The following ACVR1C variants were observed in gnomAD, a reference collection of about 807,000 sequenced individuals.
ACVR1C encodes the protein activin receptor type-1C.
Under a neutral mutation model 57.9 loss-of-function variants are expected in ACVR1C, and 23 were observed. That is an observed-to-expected ratio of 0.40 (90% CI 0.29 to 0.56). ACVR1C has a LOEUF of 0.56. Ranked by LOEUF, ACVR1C falls within the 20% of genes least tolerant of loss-of-function variation. The probability of loss-of-function intolerance (pLI) is 0.50; values close to 1 mark genes in which losing one functional copy is unlikely to be tolerated. For synonymous variants in ACVR1C, 214 were observed against 215.3 expected (o/e 0.99, Z 0.05); for missense variants, 480 against 607.9 (o/e 0.79, Z 2.21).
At chr2:157,622,176 T>C (rs201331226) in intron 1 of ACVR1C, among the ~76,000 whole-genome samples, 12 of 152,190 alleles carry the variant, frequency 7.9e-5, no homozygotes, top group South Asian at 4.1e-4. Flanking sequence ...GTGAAAAATA[T>C]AAGACTTAGA....
At chr2:157,621,204 T>G (rs1460980507) in intron 1 of ACVR1C, among the ~76,000 whole-genome samples, 2 of 152,146 alleles carry the variant, frequency 1.3e-5, no homozygotes, top group Non-Finnish European at 2.9e-5. Flanking sequence ...GCATGCCTAC[T>G]GTCTAAAAGA....
intron 2 of ACVR1C, among the ~76,000 whole-genome samples, chr2:157,586,616 C>G (rs760918876): frequency 2.6e-5 from 4 of 152,054 alleles, no homozygotes; most frequent in Admixed American, 1.3e-4. Context: ...GGATAAAGCA[C>G]TGTATAATAT....
At chr2:157,599,114 C>T (rs1682211328) in intron 1 of ACVR1C, among the ~76,000 whole-genome samples, 1 of 151,706 alleles carries the variant, frequency 6.6e-6, no homozygotes, top group South Asian at 2.1e-4. Context: ...GCAGGCGGAT[C>T]ACGAAGTCAG....
Position 157,533,852 on chromosome 2 carries a change from AT to A in ACVR1C, c.*65del. 7.0e-7 allele frequency: 1 copy of A among 1,436,900 alleles called. No individual in the cohort carries two copies. 89.0% of individuals were successfully genotyped at this position (1,436,900 alleles called of 1,614,324 possible). Reference sequence around the variant, plus strand: ...AGAACAAAAAAAAAATGGCAAAAACATTCACATAAAGGGGAAAATGGAAAAG... The same window carrying A: ...AGAACAAAAAAAAAATGGCAAAAACATCACATAAAGGGGAAAATGGAAAAG... On this transcript the variant is annotated 3_prime_UTR_variant, in exon 9 of 9. Coordinates refer to ENST00000243349, the MANE Select transcript of ACVR1C (RefSeq NM_145259.3).
chr2:157,597,457 C>T, intron 1 of ACVR1C: 1 of 985,454 alleles, frequency 1.0e-6, no homozygotes, highest in Non-Finnish European at 1.2e-6. Context: ...GGACACCCTG[C>T]GGTCGCCGGG....
intron 2 of ACVR1C, among the ~76,000 whole-genome samples, chr2:157,577,612 A>C (rs1278587572): frequency 1.3e-5 from 2 of 152,172 alleles, no homozygotes; most frequent in African/African-American, 2.4e-5. Context: ...TATGATATAT[A>C]TTTACCATCA....
intron 1 of ACVR1C, among the ~76,000 whole-genome samples, chr2:157,616,143 A>T (rs1050171525): frequency 6.6e-6 from 1 of 152,080 alleles, no homozygotes; most frequent in African/African-American, 2.4e-5. Flanking sequence ...CATTCCATTT[A>T]CACATATTTT....
At chr2:157,628,273 A>C (rs977655933) in intron 1 of ACVR1C, among the ~76,000 whole-genome samples, 3 of 151,980 alleles carry the variant, frequency 2.0e-5, no homozygotes, top group Non-Finnish European at 4.4e-5. Context: ...TCCGCTGCAA[A>C]CTGCCCACAA....
At chr2:157,624,203 C>A (rs1379238703) in intron 1 of ACVR1C, among the ~76,000 whole-genome samples, 6 of 152,114 alleles carry the variant, frequency 3.9e-5, no homozygotes, top group Admixed American at 3.3e-4. Flanking sequence ...ATTTATGTAT[C>A]CAAGCCCCTT....
chr2:157,619,139 T>C (rs955574319), intron 1 of ACVR1C, among the ~76,000 whole-genome samples: 1 of 151,828 alleles, frequency 6.6e-6, no homozygotes, highest in Non-Finnish European at 1.5e-5. Context: ...AGGTCAGACA[T>C]GTGCCAGACT....
chr2:157,610,919 C>T (rs1321782468), intron 1 of ACVR1C, among the ~76,000 whole-genome samples: 1 of 151,928 alleles, frequency 6.6e-6, no homozygotes, highest in African/African-American at 2.4e-5. Flanking sequence ...TCATTCATGT[C>T]CTGAATTGTT....
chr2:157,536,083 C>T (rs1687480194), intron 8 of ACVR1C, among the ~76,000 whole-genome samples: 1 of 152,028 alleles, frequency 6.6e-6, no homozygotes, highest in African/African-American at 2.4e-5. Context: ...TATCTGAAGG[C>T]AGAATTAAAG....
chr2:157,611,654 G>C (rs1256849894), intron 1 of ACVR1C, among the ~76,000 whole-genome samples: 1 of 152,152 alleles, frequency 6.6e-6, no homozygotes, highest in African/African-American at 2.4e-5. Flanking sequence ...TCTGTGATAG[G>C]CTGGGTAGAC....
At chr2:157,540,981 A>G in intron 7 of ACVR1C, 109 bp downstream of exon 7, 5 of 1,316,712 alleles carry the variant, frequency 3.8e-6, no homozygotes, top group Non-Finnish European at 5.2e-6. Flanking sequence ...TCTCTTAAAT[A>G]CTAAGAAACT....
intron 1 of ACVR1C, among the ~76,000 whole-genome samples, chr2:157,607,293 G>A (rs1682423759): frequency 6.6e-6 from 1 of 151,020 alleles, no homozygotes; most frequent in Non-Finnish European, 1.5e-5. Context: ...TTGGTTATCT[G>A]GGCTCTTTTT....
chr2:157,555,128 T>C (rs1688067252), intron 3 of ACVR1C, among the ~76,000 whole-genome samples: 1 of 118,094 alleles, frequency 8.5e-6, no homozygotes, highest in African/African-American at 3.7e-5. Context: ...TTTTTTTTTT[T>C]TGAGACGGAG....
At chr2:157,622,114 C>G (rs1682789232) in intron 1 of ACVR1C, among the ~76,000 whole-genome samples, 1 of 152,048 alleles carries the variant, frequency 6.6e-6, no homozygotes, top group South Asian at 2.1e-4. Context: ...AACATACTAT[C>G]CCAATTTCTT....
intron 1 of ACVR1C, chr2:157,597,438 T>A (rs977655679): frequency 4.1e-6 from 4 of 985,410 alleles, no homozygotes; most frequent in Non-Finnish European, 4.8e-6. Context: ...GCCTGATGAA[T>A]TTGCGAAGGG....
At chr2:157,584,155 A>C (rs1268458219) in intron 2 of ACVR1C, among the ~76,000 whole-genome samples, 1 of 151,720 alleles carries the variant, frequency 6.6e-6, no homozygotes, top group Admixed American at 6.6e-5. Context: ...GAACTCTTCC[A>C]ATTCAACCAG....
Sources: gnomAD v4.1 joint callset for allele counts (sites outside exome capture counted in the v4.1 genomes callset) on GRCh38, gnomAD v4.1.1 for gene constraint, MANE v1.5 for transcripts, NCBI Gene and HGNC (gene_info 2026-07-23, HGNC 2026-07-21) for gene names.